The following ARL5B variants were observed in gnomAD, a reference collection of about 807,000 sequenced individuals.
The protein encoded by ARL5B is ARF like GTPase 5B.
A neutral mutation model predicts 26.9 loss-of-function variants in ARL5B; 10 were observed. The observed-to-expected ratio is 0.37, with a 90% CI of 0.23 to 0.63. The LOEUF is 0.63. Among genes scored for constraint, ARL5B ranks in the 30% least tolerant of loss-of-function variants. The pLI, the probability that ARL5B is intolerant of heterozygous loss-of-function variation, is 0.62. For synonymous variants in ARL5B, 87 were observed against 70.4 expected, an observed-to-expected ratio of 1.24 and a Z score of -1.18; for missense variants, 167 against 213.9, an observed-to-expected ratio of 0.78 and a Z score of 1.37.
At chr10:18,661,306 T>A (rs1371822307) in intron 1 of ARL5B, among the ~76,000 whole-genome samples, 1 of 152,236 alleles carries the variant, frequency 6.6e-6, no homozygotes, top group Non-Finnish European at 1.5e-5. Context: ...TTCTGTTACA[T>A]GGCTGCTGTC....
At chr10:18,668,230 C>T (rs1356088550) in intron 2 of ARL5B, among the ~76,000 whole-genome samples, 1 of 151,918 alleles carries the variant, frequency 6.6e-6, no homozygotes, top group African/African-American at 2.4e-5. Context: ...GATAACAGGG[C>T]ATGGTGGTAT....
rs1296002510 is a variant in ARL5B at position 18,678,238 on chromosome 10, T to C, written c.*3022T>C. On this transcript the variant is annotated 3_prime_UTR_variant, in exon 6 of 6. Transcript: ENST00000377275. Reference sequence around the variant, plus strand: ...CTTTTAGTTTCTTGTGTTAGTATGCTTAAAGGTATCAATACTTTTATTCTA... The same window carrying C: ...CTTTTAGTTTCTTGTGTTAGTATGCCTAAAGGTATCAATACTTTTATTCTA... The C allele has an allele frequency of 6.6e-6, 1 of 151,874 alleles. No homozygotes were observed. The highest frequency in any genetic ancestry group is 6.6e-5 in the Admixed American group (1 of 15,252). 9.4% of individuals were successfully genotyped at this position (151,874 alleles called of 1,614,324 possible). A position where few individuals can be genotyped will look rare whatever the true frequency, so the allele number is the denominator to read the frequency against.
At chr10:18,671,675 A>T (rs1163695393) in intron 3 of ARL5B, among the ~76,000 whole-genome samples, 1 of 117,660 alleles carries the variant, frequency 8.5e-6, no homozygotes, top group Non-Finnish European at 1.7e-5. Context: ...CACCCCCCAC[A>T]TTTTTTAAAA....
intron 5 of ARL5B, 122 bp downstream of exon 5, chr10:18,674,257 A>G: frequency 1.1e-6 from 1 of 899,822 alleles, no homozygotes; most frequent in Non-Finnish European, 1.5e-6. Flanking sequence ...ATTAAAGGTG[A>G]CTTTTATAAT....
chr10:18,674,852 G>A (rs1409597677), intron 5 of ARL5B, among the ~76,000 whole-genome samples: 1 of 152,066 alleles, frequency 6.6e-6, no homozygotes, highest in Non-Finnish European at 1.5e-5. Context: ...AGGTGAAGTT[G>A]CTATTGACTT....
chr10:18,668,878 T>C (rs2059874016), intron 3 of ARL5B, among the ~76,000 whole-genome samples: 1 of 151,154 alleles, frequency 6.6e-6, no homozygotes, highest in Non-Finnish European at 1.5e-5. Flanking sequence ...CAAGCCATTC[T>C]CCTGCCTCAG....
rs539629641 is a variant in ARL5B, at chr10:18,665,190, T to A, written c.47-1385T>A. Among the ~76,000 whole-genome samples the A allele has an allele frequency of 7.9e-5, 12 of 152,268 alleles. 1 individual carries two copies. In the South Asian group the frequency reaches 1.2e-3, roughly 16 times the overall value. On this transcript the variant is annotated intron_variant, in intron 1 of 5. Transcript: ENST00000377275. ...TAAAGATTAGCTTCATTAGAGGACA[T>A]GTAGCCAAGCTTGGTGGTGTGCACC...
Position 18,675,287 on chromosome 10 carries a change from C to A in ARL5B, c.*71C>A. 7.0e-7 allele frequency: 1 copy of A among 1,438,566 alleles called. No homozygotes were observed. The highest frequency in any genetic ancestry group is 9.8e-7 in the Non-Finnish European group (1 of 1,022,136). 89.1% of individuals were successfully genotyped at this position (1,438,566 alleles called of 1,614,324 possible). A position where few individuals can be genotyped will look rare whatever the true frequency, so the allele number is the denominator to read the frequency against. ...CATTTTTTCCTAGTACCTTTGGCTG[C>A]TAAGGCAGCAGCATGTTTAATTTAT... On this transcript the variant is annotated 3_prime_UTR_variant, in exon 6 of 6. Coordinates refer to ENST00000377275, the MANE Select transcript of ARL5B (RefSeq NM_178815.5).
chr10:18,666,493 C>A, intron 1 of ARL5B, 82 bp from the exon 2 acceptor site: 1 of 1,111,464 alleles, frequency 9.0e-7, no homozygotes, highest in Non-Finnish European at 1.3e-6. Context: ...CATTAATGAG[C>A]TAACTAATAA....
chr10:18,675,064 A>T (rs949077422), intron 5 of ARL5B, 104 bp from the exon 6 acceptor site: 2 of 951,714 alleles, frequency 2.1e-6, no homozygotes, highest in Admixed American at 2.3e-5. Flanking sequence ...TATATAAATA[A>T]TGATTGTGCT....
At chr10:18,663,699 C>A (rs1016344927) in intron 1 of ARL5B, among the ~76,000 whole-genome samples, 21 of 151,650 alleles carry the variant, frequency 1.4e-4, no homozygotes, top group Admixed American at 1.3e-3. Context: ...CAGGTGTCTG[C>A]CACCACGCCC....
At chr10:18,666,277 T>C (rs989552583) in intron 1 of ARL5B, among the ~76,000 whole-genome samples, 1 of 152,220 alleles carries the variant, frequency 6.6e-6, no homozygotes, top group African/African-American at 2.4e-5. Context: ...CCTAGATTAA[T>C]ATTTGGGTCT....
intron 5 of ARL5B, 145 bp from the exon 6 acceptor site, chr10:18,675,023 T>G: frequency 1.6e-6 from 1 of 613,768 alleles, no homozygotes; most frequent in Non-Finnish European, 2.8e-6. Flanking sequence ...ATTTCACTTA[T>G]TATAGTGTGA....
intron 4 of ARL5B, among the ~76,000 whole-genome samples, chr10:18,673,466 C>G (rs1590229076): frequency 1.3e-5 from 2 of 152,062 alleles, no homozygotes; most frequent in East Asian, 3.8e-4. Context: ...TCTGATTATC[C>G]ATCTTAATAT....
At chr10:18,659,980 G>A in intron 1 of ARL5B, 1 of 975,436 alleles carries the variant, frequency 1.0e-6, no homozygotes, top group Admixed American at 6.1e-5. Flanking sequence ...GGAGGCGTAT[G>A]GAGGGCCTTT....
intron 1 of ARL5B, among the ~76,000 whole-genome samples, chr10:18,662,678 C>T (rs1015357867): frequency 3.3e-5 from 5 of 150,378 alleles, no homozygotes; most frequent in African/African-American, 1.2e-4. Flanking sequence ...AACCTGTCAT[C>T]AGTTATTTCT....
chr10:18,678,907 C>G lies in ARL5B; in HGVS notation c.*3691C>G, dbSNP rs1404569141. The G allele has an allele frequency of 6.6e-6, 1 of 151,640 alleles. No homozygotes were observed. Among genetic ancestry groups the G allele is most frequent in the Non-Finnish European group, 1.5e-5 (1 of 67,754 alleles). The allele number at this position is 151,640 out of a possible 1,614,324, so 9.4% of individuals were successfully genotyped here. A position where few individuals can be genotyped will look rare whatever the true frequency, so the allele number is the denominator to read the frequency against. On this transcript the variant is annotated 3_prime_UTR_variant, in exon 6 of 6. Coordinates refer to ENST00000377275, the MANE Select transcript of ARL5B (RefSeq NM_178815.5). ...GTCCATGGCTTTCCTTTTGTTTTTC[C>G]CATACTGAGGAACTTAAACTACAGC... is the stretch of plus-strand genomic sequence containing the variant.
rs2059815410 is a variant in ARL5B at position 18,659,457 on chromosome 10, G to T, written c.-181G>T. 2.0e-5 allele frequency: 15 copies of T among 739,790 alleles called. No homozygotes were observed. In the South Asian group the frequency reaches 2.6e-4, roughly 13 times the overall value. The allele number at this position is 739,790 out of a possible 1,614,324, so 45.8% of individuals were successfully genotyped here. On this transcript the variant is annotated 5_prime_UTR_variant, in exon 1 of 6. Coordinates refer to ENST00000377275, the MANE Select transcript of ARL5B (RefSeq NM_178815.5). ...GTGGGCTCGAAACAAAGGGCTGTCC[G>T]GTGGGGATTCGTCGCGGCGCCTTCT...
At chr10:18,670,635 G>T (rs930532739) in intron 3 of ARL5B, among the ~76,000 whole-genome samples, 1 of 152,030 alleles carries the variant, frequency 6.6e-6, no homozygotes, top group Non-Finnish European at 1.5e-5. Flanking sequence ...GAAAGTAAGG[G>T]ACAAATGACA....
Sources: allele counts gnomAD v4.1 joint callset (sites outside exome capture counted in the v4.1 genomes callset), GRCh38; gene constraint gnomAD v4.1.1; transcripts MANE v1.5; gene names NCBI Gene and HGNC (gene_info 2026-07-23, HGNC 2026-07-21).